Variants in CSMD1 observed in about 807,000 individuals in gnomAD.
The protein encoded by CSMD1 is CUB and Sushi multiple domains 1.
Under a neutral mutation model 417.5 loss-of-function variants are expected in CSMD1, and 213 were observed. The ratio of observed to expected loss-of-function variants is 0.51; its 90% CI spans 0.46 to 0.57. The LOEUF (loss-of-function observed/expected upper bound fraction) is 0.57. Ranked by LOEUF, CSMD1 falls within the 20% of genes least tolerant of loss-of-function variation. CSMD1 has a pLI of 0.00. For synonymous variants in CSMD1, 2,862 were observed against 1,736.8 expected (o/e 1.65, Z -16.11); for missense variants, 6,923 against 4,529.7 (o/e 1.53, Z -15.17).
At chr8:3,911,501 C>G (rs1278742126) in intron 5 of CSMD1, among the ~76,000 whole-genome samples, 1 of 148,662 alleles carries the variant, frequency 6.7e-6, no homozygotes, top group African/African-American at 2.5e-5. Flanking sequence ...GCACTCCAGC[C>G]TGGGCAACAG....
intron 1 of CSMD1, among the ~76,000 whole-genome samples, chr8:4,704,527 G>C (rs890570578): frequency 1.3e-5 from 2 of 152,104 alleles, no homozygotes; most frequent in Non-Finnish European, 2.9e-5. Flanking sequence ...TGATGTTTCA[G>C]TGCCATTATA....
At chr8:3,435,926 G>C (rs538232195) in intron 12 of CSMD1, among the ~76,000 whole-genome samples, 27 of 152,282 alleles carry the variant, frequency 1.8e-4, no homozygotes, top group African/African-American at 6.3e-4. Flanking sequence ...GCTTAGTCTG[G>C]TCTTCCTGCA....
At chr8:4,792,871 A>C (rs148860682) in intron 1 of CSMD1, among the ~76,000 whole-genome samples, 1 of 152,030 alleles carries the variant, frequency 6.6e-6, no homozygotes, top group East Asian at 1.9e-4. Context: ...CTTTCCACCT[A>C]CTGGTTTTGT....
intron 3 of CSMD1, among the ~76,000 whole-genome samples, chr8:4,195,186 T>C (rs997609303): frequency 7.2e-5 from 11 of 152,310 alleles, no homozygotes; most frequent in Middle Eastern, 3.4e-3. Context: ...GACTTGTCAA[T>C]GGAAAATAAA....
intron 26 of CSMD1, among the ~76,000 whole-genome samples, chr8:3,265,107 C>T (rs1280754267): frequency 6.6e-6 from 1 of 152,042 alleles, no homozygotes; most frequent in African/African-American, 2.4e-5. Context: ...TAGCTGGCAC[C>T]ATGTTAAGGA....
chr8:4,206,347 C>T (rs185800176), intron 3 of CSMD1, among the ~76,000 whole-genome samples: 3 of 152,168 alleles, frequency 2.0e-5, no homozygotes, highest in African/African-American at 4.8e-5. Flanking sequence ...CTTTCCCCTC[C>T]CCCCAACCCA....
At chr8:3,039,611 C>G (rs142696376) in intron 50 of CSMD1, among the ~76,000 whole-genome samples, 1 of 151,890 alleles carries the variant, frequency 6.6e-6, no homozygotes, top group African/African-American at 2.4e-5. Context: ...TTGTACTAAC[C>G]TGAGGAGGCA....
intron 1 of CSMD1, among the ~76,000 whole-genome samples, chr8:4,699,983 A>T (rs1344782850): frequency 6.6e-6 from 1 of 152,238 alleles, no homozygotes; most frequent in Non-Finnish European, 1.5e-5. Context: ...CTCTCTCATT[A>T]TAATACATGG....
At chr8:3,084,297 G>A (rs927048396) in intron 49 of CSMD1, among the ~76,000 whole-genome samples, 2 of 152,090 alleles carry the variant, frequency 1.3e-5, no homozygotes, top group Non-Finnish European at 2.9e-5. Context: ...GCTGAGGCAG[G>A]AGGATCACCT....
intron 3 of CSMD1, among the ~76,000 whole-genome samples, chr8:4,044,633 T>C (rs562005730): frequency 1.3e-5 from 2 of 152,322 alleles, no homozygotes; most frequent in African/African-American, 4.8e-5. Context: ...AGAAGAGACA[T>C]AGCGCACCCT....
At chr8:4,913,114 G>A (rs10090291) in intron 1 of CSMD1, among the ~76,000 whole-genome samples, 2 of 152,060 alleles carry the variant, frequency 1.3e-5, no homozygotes, top group East Asian at 1.9e-4. Flanking sequence ...AAAAAAAATC[G>A]TGAGGGATCA....
At chr8:3,673,629 C>G (rs754401319) in intron 7 of CSMD1, among the ~76,000 whole-genome samples, 1 of 152,192 alleles carries the variant, frequency 6.6e-6, no homozygotes. Context: ...TTTGACCTAA[C>G]GGGTGCGGGC....
intron 3 of CSMD1, among the ~76,000 whole-genome samples, chr8:4,125,588 G>C (rs776213926): frequency 6.6e-6 from 1 of 152,322 alleles, no homozygotes; most frequent in Admixed American, 6.5e-5. Context: ...GACTGAAACT[G>C]CCTTTGCAGA....
chr8:4,732,408 T>G (rs972033029), intron 1 of CSMD1, among the ~76,000 whole-genome samples: 1 of 151,356 alleles, frequency 6.6e-6, no homozygotes, highest in African/African-American at 2.4e-5. Flanking sequence ...AGATTCTCAC[T>G]CTGGACATGC....
intron 6 of CSMD1, among the ~76,000 whole-genome samples, chr8:3,752,157 G>T (rs28461190): frequency 6.6e-6 from 1 of 152,228 alleles, no homozygotes; most frequent in African/African-American, 2.4e-5. Context: ...ACAGTATATG[G>T]CAGTCACAAG....
intron 50 of CSMD1, among the ~76,000 whole-genome samples, chr8:3,044,007 A>G (rs957028794): frequency 3.3e-5 from 5 of 152,054 alleles, no homozygotes; most frequent in Non-Finnish European, 4.4e-5. Context: ...ACTTCAGGGG[A>G]AAAAAAAGCA....
At chr8:3,356,531 C>A (rs1008432535) in intron 21 of CSMD1, among the ~76,000 whole-genome samples, 10 of 152,038 alleles carry the variant, frequency 6.6e-5, no homozygotes, top group African/African-American at 2.4e-4. Context: ...AAAAATTAGC[C>A]GGGCGTGGTG....
At position 3,772,376 on chromosome 8, in the gene CSMD1, T is replaced by C. The variant is rs796806628; in HGVS notation, c.819-18334A>G. On this transcript the variant is annotated intron_variant, in intron 5 of 69. Coordinates refer to ENST00000635120, the MANE Select transcript of CSMD1 (RefSeq NM_033225.6). ...ATATTTATATATACATATATACATA[T>C]ATTCATATATTTATATATACACATA... Among the ~76,000 whole-genome samples the C allele has an allele frequency of 8.2e-4, 112 of 136,598 alleles. 17 individuals carry two copies. The highest frequency in any genetic ancestry group is 1.2e-3 in the Admixed American group (16 of 13,252). 89.6% of individuals were successfully genotyped at this position (136,598 alleles called of 152,430 possible). A position where few individuals can be genotyped will look rare whatever the true frequency, so the allele number is the denominator to read the frequency against.
At chr8:3,073,042 C>T (rs906977845) in intron 49 of CSMD1, among the ~76,000 whole-genome samples, 4 of 152,098 alleles carry the variant, frequency 2.6e-5, no homozygotes, top group African/African-American at 9.7e-5. Flanking sequence ...AAATGAAATG[C>T]AACCCTCCCA....
Sources: gnomAD v4.1 joint callset for allele counts (sites outside exome capture counted in the v4.1 genomes callset) on GRCh38, gnomAD v4.1.1 for gene constraint, MANE v1.5 for transcripts, NCBI Gene and HGNC (gene_info 2026-07-23, HGNC 2026-07-21) for gene names.